DNM3: variants seen among roughly 807,000 people sequenced by gnomAD.
DNM3 encodes the protein dynamin-3.
A neutral mutation model predicts 101.6 loss-of-function variants in DNM3; 47 were observed. The observed-to-expected ratio is 0.46, with a 90% CI of 0.37 to 0.59. The LOEUF is 0.59. DNM3 is among the 20% of genes least tolerant of loss of function. The pLI, the probability that DNM3 is intolerant of heterozygous loss-of-function variation, is 0.00. For synonymous variants in DNM3, 385 were observed against 387.9 expected (o/e 0.99, Z 0.09); for missense variants, 849 against 1,085.7 (o/e 0.78, Z 3.06).
intron 8 of DNM3, among the ~76,000 whole-genome samples, chr1:172,042,460 A>T (rs1317039398): frequency 6.6e-6 from 1 of 152,164 alleles, no homozygotes; most frequent in Non-Finnish European, 1.5e-5. Context: ...GACAGAGAAG[A>T]CCCTTGCTTG....
At chr1:172,383,726 G>A (rs916249490) in intron 18 of DNM3, among the ~76,000 whole-genome samples, 2 of 152,228 alleles carry the variant, frequency 1.3e-5, no homozygotes, top group East Asian at 1.9e-4. Context: ...GCTAGAGAAG[G>A]GTTAAAGTAA....
chr1:171,875,048 T>G (rs1375556867), intron 1 of DNM3, among the ~76,000 whole-genome samples: 3 of 152,098 alleles, frequency 2.0e-5, no homozygotes, highest in Admixed American at 1.3e-4. Context: ...AGCTATCATG[T>G]TTTCTTTATC....
chr1:172,197,627 C>T (rs908407105), intron 14 of DNM3, among the ~76,000 whole-genome samples: 3 of 152,050 alleles, frequency 2.0e-5, no homozygotes, highest in Non-Finnish European at 4.4e-5. Flanking sequence ...TCTTTCACCT[C>T]CCTGATTATC....
chr1:171,975,221 A>G (rs1365543429), intron 2 of DNM3, among the ~76,000 whole-genome samples: 6 of 152,104 alleles, frequency 3.9e-5, no homozygotes, highest in Non-Finnish European at 5.9e-5. Context: ...TGAGTCATAG[A>G]ATTATTTCTA....
At chr1:172,414,461 A>C (rs540077881), downstream of DNM3, among the ~76,000 whole-genome samples, 75 of 152,364 alleles carry the variant, frequency 4.9e-4, no homozygotes, top group African/African-American at 1.7e-3. Context: ...CCTTAAAATC[A>C]GACTGCATTG....
At chr1:172,322,268 T>G (rs9425285) in intron 16 of DNM3, among the ~76,000 whole-genome samples, 11,132 of 152,154 alleles carry the variant, frequency 0.073, 470 homozygotes, top group African/African-American at 0.1. Context: ...TCCGCCCTGT[T>G]CTAGGTCTCC....
chr1:172,388,229 G>A (rs560681735), intron 19 of DNM3, among the ~76,000 whole-genome samples: 8 of 151,340 alleles, frequency 5.3e-5, no homozygotes, highest in East Asian at 3.9e-4. Flanking sequence ...GCGAGACTCC[G>A]CCTCAAAGAA....
chr1:171,893,420 A>G (rs1478698534), intron 1 of DNM3, among the ~76,000 whole-genome samples: 2 of 151,580 alleles, frequency 1.3e-5, no homozygotes, highest in African/African-American at 2.4e-5. Flanking sequence ...GTTTTGAAAT[A>G]GTCCAAACTA....
At chr1:172,098,277 A>G (rs2054389372) in intron 13 of DNM3, among the ~76,000 whole-genome samples, 1 of 152,160 alleles carries the variant, frequency 6.6e-6, no homozygotes, top group Non-Finnish European at 1.5e-5. Context: ...TCAGGGACGC[A>G]TTCTCTTTCT....
chr1:172,258,152 A>G (rs374770032), intron 15 of DNM3, among the ~76,000 whole-genome samples: 8 of 152,092 alleles, frequency 5.3e-5, no homozygotes, highest in African/African-American at 1.9e-4. Flanking sequence ...TCCACTGTGT[A>G]AATATACCAC....
At chr1:172,019,524 G>A (rs1327257825) in intron 4 of DNM3, among the ~76,000 whole-genome samples, 2 of 151,562 alleles carry the variant, frequency 1.3e-5, no homozygotes, top group African/African-American at 2.4e-5. Context: ...GATATCTGAT[G>A]TTAATTTGGG....
chr1:172,354,755 C>T (rs1245873944), intron 17 of DNM3, among the ~76,000 whole-genome samples: 1 of 152,064 alleles, frequency 6.6e-6, no homozygotes, highest in Non-Finnish European at 1.5e-5. Context: ...TATGGTGAAG[C>T]CACAGCTGTC....
At chr1:171,922,154 T>TGTGCGC (rs892285004) in intron 2 of DNM3, among the ~76,000 whole-genome samples, 10 of 68,774 alleles carry the variant, frequency 1.5e-4, no homozygotes, top group African/African-American at 6.0e-4. Context: ...TGTGTGTGTG[T>TGTGCGC]GCGTATGTGT....
At chr1:172,305,152 G>A (rs965196003) in intron 15 of DNM3, among the ~76,000 whole-genome samples, 17 of 152,028 alleles carry the variant, frequency 1.1e-4, no homozygotes, top group African/African-American at 4.1e-4. Context: ...TAATAAAGAA[G>A]AAAAGAGAGA....
intron 17 of DNM3, among the ~76,000 whole-genome samples, chr1:172,358,804 T>TA (rs1264258804): frequency 6.6e-6 from 1 of 151,998 alleles, no homozygotes; most frequent in African/African-American, 2.4e-5. Context: ...TCTTTTTACT[T>TA]AAGATAATAA....
chr1:171,977,763 T>C (rs1257241115), intron 2 of DNM3, among the ~76,000 whole-genome samples: 1 of 152,254 alleles, frequency 6.6e-6, no homozygotes, highest in Non-Finnish European at 1.5e-5. Context: ...CATTATCTTC[T>C]ATCTGGCCTT....
chr1:172,308,732 G>A lies in DNM3; in HGVS notation c.1774G>A (p.Val592Ile). ...TTTTTTTTTTTTTAACTCCAGGAAT[G>A]TATACAAAGACTATCGCTTCCTTGA... is the stretch of plus-strand genomic sequence containing the variant. ...FALFNTEQRN[V>I]YKDYRFLELA... Residue 592 changes from valine to isoleucine, a missense_variant, in exon 16 of 21, where the codon GTA (valine) becomes ATA (isoleucine). Physicochemically the swap from Val to Ile is conservative, Grantham distance 29. Coordinates refer to ENST00000627582, the MANE Select transcript of DNM3 (RefSeq NM_015569.5). 3 of 1,549,108 alleles carry A rather than the reference G, an allele frequency of 1.9e-6. No individual in the cohort carries two copies. The highest frequency in any genetic ancestry group is 2.6e-6 in the Non-Finnish European group (3 of 1,148,382).
intron 17 of DNM3, among the ~76,000 whole-genome samples, chr1:172,336,094 G>A (rs578001110): frequency 1.5e-4 from 23 of 152,268 alleles, no homozygotes; most frequent in African/African-American, 5.3e-4. Context: ...CTACTATCTA[G>A]TGGGTATAGG....
At chr1:171,901,847 C>G (rs1394179684) in intron 1 of DNM3, among the ~76,000 whole-genome samples, 2 of 152,100 alleles carry the variant, frequency 1.3e-5, no homozygotes, top group East Asian at 3.8e-4. Flanking sequence ...TAGCTGGGAC[C>G]TTTCCTAAAG....
Sources: gnomAD v4.1 joint callset for allele counts (sites outside exome capture counted in the v4.1 genomes callset) on GRCh38, gnomAD v4.1.1 for gene constraint, MANE v1.5 for transcripts, NCBI Gene and HGNC (gene_info 2026-07-23, HGNC 2026-07-21) for gene names.